NRK: variants seen among roughly 807,000 people sequenced by gnomAD.
The protein encoded by NRK is nik-related protein kinase.
A neutral mutation model predicts 125.2 loss-of-function variants in NRK; 67 were observed. The ratio of observed to expected loss-of-function variants is 0.54; its 90% CI spans 0.44 to 0.66. NRK has a LOEUF of 0.66. Among genes scored for constraint, NRK ranks in the 30% least tolerant of loss-of-function variants. The pLI, the probability that NRK is intolerant of heterozygous loss-of-function variation, is 0.00. For synonymous variants in NRK, 458 were observed against 429.0 expected (o/e 1.07, Z -0.84); for missense variants, 1,224 against 1,192.9 (o/e 1.03, Z -0.38).
At chrX:105,902,701 C>T (rs2040174588) in intron 9 of NRK, among the ~76,000 whole-genome samples, 1 of 111,891 alleles carries the variant, frequency 8.9e-6, no homozygotes, top group African/African-American at 3.3e-5. Flanking sequence ...GCTCTGACTC[C>T]TGTCAGATCA....
intron 8 of NRK, among the ~76,000 whole-genome samples, chrX:105,900,183 CACACACACACAT>C (rs1479994603): frequency 9.5e-5 from 10 of 105,409 alleles, no homozygotes; most frequent in African/African-American, 3.7e-4. Flanking sequence ...CACACACACA[CACACACACACAT>C]ATCAGTCCTA....
At chrX:105,914,960 C>T (rs2040346940) in intron 14 of NRK, among the ~76,000 whole-genome samples, 1 of 105,913 alleles carries the variant, frequency 9.4e-6, no homozygotes, top group Admixed American at 1.1e-4. Context: ...CTTAGTGAGG[C>T]AAGGCAACAT....
At chrX:105,908,433 T>C (rs1439624196) in intron 12 of NRK, 130 bp downstream of exon 12, 1 of 449,046 alleles carries the variant, frequency 2.2e-6, no homozygotes, top group Non-Finnish European at 3.7e-6. Flanking sequence ...TCTCTGTTTT[T>C]AAGAGATATT....
intron 24 of NRK, among the ~76,000 whole-genome samples, chrX:105,944,353 G>A (rs1180301312): frequency 9.0e-6 from 1 of 111,050 alleles, no homozygotes; most frequent in Admixed American, 9.6e-5. Flanking sequence ...ATCACACCTG[G>A]TTAATTTTTT....
chrX:105,953,085 T>G lies in NRK; in HGVS notation c.4565T>G (p.Val1522Gly). 1 of 1,196,546 alleles carries G rather than the reference T, an allele frequency of 8.4e-7. No individual in the cohort carries two copies. The change falls in exon 28 of 29, where the codon GTG becomes GGG. Residue 1522 changes from valine to glycine, a missense_variant. Physicochemically the swap from Val to Gly is moderately radical, Grantham distance 109. Transcript: ENST00000243300. ...TTGWGQKAIE[V>G]RSLQSRVLES... The stretch of plus-strand genomic sequence containing the variant: ...GGATGGGGCCAAAAGGCCATTGAAG[T>G]GCGCTCTTTGCAATCCAGGGTTCTG...
At chrX:105,866,959 A>G (rs1216516689) in intron 2 of NRK, among the ~76,000 whole-genome samples, 1 of 110,870 alleles carries the variant, frequency 9.0e-6, no homozygotes, top group Admixed American at 9.6e-5. Flanking sequence ...TTCCTAACAC[A>G]GTGTGTTGCA....
intron 2 of NRK, among the ~76,000 whole-genome samples, chrX:105,832,457 G>GT (rs774629470): frequency 8.1e-5 from 9 of 111,117 alleles, no homozygotes; most frequent in African/African-American, 2.0e-4. Context: ...TATAATTGCA[G>GT]TGTTCTTTTT....
rs139947077 is a variant in NRK at position 105,923,591 on chromosome X, T to A, written c.2975+109T>A. 0.017 allele frequency: 8,070 copies of A among 483,487 alleles called. 524 individuals carry two copies. In the African/African-American group the frequency reaches 0.18, roughly 11 times the overall value. 39.8% of individuals were successfully genotyped at this position (483,487 alleles called of 1,213,427 possible). A position where few individuals can be genotyped will look rare whatever the true frequency, so the allele number is the denominator to read the frequency against. ...TACCAAGAGAGTGACCTAATTTCACTTGCATTTTAGTAAATAGTTTGATTG... is the reference window on the plus strand; with the variant it reads ...TACCAAGAGAGTGACCTAATTTCACATGCATTTTAGTAAATAGTTTGATTG... On this transcript the variant is annotated intron_variant, in intron 18 of 28. Coordinates refer to ENST00000243300, the MANE Select transcript of NRK (RefSeq NM_198465.4).
At chrX:105,897,007 A>G (rs1024899246) in intron 7 of NRK, among the ~76,000 whole-genome samples, 1 of 112,482 alleles carries the variant, frequency 8.9e-6, no homozygotes, top group African/African-American at 3.2e-5. Flanking sequence ...GTCAACGCAA[A>G]CATTTACAGC....
chrX:105,829,477 C>A (rs886589055), intron 1 of NRK, among the ~76,000 whole-genome samples: 2 of 112,067 alleles, frequency 1.8e-5, no homozygotes, highest in Admixed American at 1.9e-4. Flanking sequence ...AATGTTCTTA[C>A]CACTTTGTGT....
chrX:105,898,654 C>G lies in NRK; in HGVS notation c.651C>G (p.Tyr217Ter). ...GGAATAGTTTCATTGGGACACCATA[C>G]TGGATGGCACCTGAGGTGATTGACT... ...GRRNSFIGTP[Y>*]WMAPEVIDCD... is the part of the protein sequence containing the mutation. The change falls in exon 8 of 29, where the codon TAC becomes TAG. Residue 217 changes from tyrosine to a stop codon, truncating the protein, a stop_gained. Coordinates refer to ENST00000243300, the MANE Select transcript of NRK (RefSeq NM_198465.4). LOFTEE classifies it high-confidence loss of function. The G allele has an allele frequency of 8.4e-7, 1 of 1,197,153 alleles. No individual in the cohort carries two copies. The highest frequency in any genetic ancestry group is 1.1e-6 in the Non-Finnish European group (1 of 885,248).
intron 2 of NRK, among the ~76,000 whole-genome samples, chrX:105,855,231 T>A (rs2039518208): frequency 9.0e-6 from 1 of 111,675 alleles, no homozygotes; most frequent in African/African-American, 3.2e-5. Flanking sequence ...TTTTATTCAA[T>A]AGAGGAAACA....
At chrX:105,895,980 A>G (rs925818719) in intron 7 of NRK, among the ~76,000 whole-genome samples, 1 of 111,763 alleles carries the variant, frequency 8.9e-6, no homozygotes, top group Non-Finnish European at 1.9e-5. Flanking sequence ...GCTTCTTTGG[A>G]TTTTTTCAGA....
At chrX:105,917,954 A>G (rs1310731612) in intron 16 of NRK, among the ~76,000 whole-genome samples, 3 of 110,899 alleles carry the variant, frequency 2.7e-5, no homozygotes, top group Non-Finnish European at 5.7e-5. Context: ...TTAGGTTTCT[A>G]TACCACGTAA....
At position 105,893,822 on chromosome X, in the gene NRK, T is replaced by C. The variant is rs753154320; in HGVS notation, c.379-10T>C. ...CACTAATTTTTTATACTTTGCTGGCTTTCCTGCAGATGGTGATGGAGTTAT... is the reference window on the plus strand; with the variant it reads ...CACTAATTTTTTATACTTTGCTGGCCTTCCTGCAGATGGTGATGGAGTTAT... On this transcript the variant is annotated splice_polypyrimidine_tract_variant and intron_variant, in intron 5 of 28. Coordinates refer to ENST00000243300, the MANE Select transcript of NRK (RefSeq NM_198465.4). 4 of 1,120,892 alleles carry C rather than the reference T, an allele frequency of 3.6e-6. No individual in the cohort carries two copies. The Admixed American group carries it at 8.9e-5, about 25-fold the overall frequency. 92.4% of individuals were successfully genotyped at this position (1,120,892 alleles called of 1,213,427 possible). A position where few individuals can be genotyped will look rare whatever the true frequency, so the allele number is the denominator to read the frequency against.
At chrX:105,856,315 G>A (rs930006598) in intron 2 of NRK, among the ~76,000 whole-genome samples, 2 of 111,651 alleles carry the variant, frequency 1.8e-5, no homozygotes, top group African/African-American at 6.5e-5. Flanking sequence ...GTAATAAAGT[G>A]ACACTAATGC....
intron 2 of NRK, among the ~76,000 whole-genome samples, chrX:105,851,017 A>G (rs779323304): frequency 1.8e-5 from 2 of 112,288 alleles, no homozygotes; most frequent in Non-Finnish European, 3.7e-5. Context: ...GCTGATTAAG[A>G]CATACCCAAG....
chrX:105,953,217 T>C (rs2040925301), intron 28 of NRK, 44 bp downstream of exon 28: 3 of 983,371 alleles, frequency 3.1e-6, no homozygotes, highest in Non-Finnish European at 2.7e-6. Context: ...AACGCAACCA[T>C]TGAAAATGAA....
Position 105,921,733 on chromosome X carries a change from A to G in NRK, c.2513-231A>G, listed in dbSNP as rs1335605980. 3.6e-5 allele frequency among the ~76,000 whole-genome samples: 4 copies of G among 109,686 alleles called. No individual in the cohort carries two copies. The East Asian group carries it at 8.6e-4, about 24-fold the overall frequency. Reference sequence around the variant, plus strand: ...ACTTAATATTGAAAACAGAGCAGCCATGTAAGTCTACAGATGGAAGAAAAC... The same window carrying G: ...ACTTAATATTGAAAACAGAGCAGCCGTGTAAGTCTACAGATGGAAGAAAAC... On this transcript the variant is annotated intron_variant, in intron 16 of 28. Coordinates refer to ENST00000243300, the MANE Select transcript of NRK (RefSeq NM_198465.4).
Sources: gnomAD v4.1 joint callset for allele counts (sites outside exome capture counted in the v4.1 genomes callset) on GRCh38, gnomAD v4.1.1 for gene constraint, MANE v1.5 for transcripts, NCBI Gene and HGNC (gene_info 2026-07-23, HGNC 2026-07-21) for gene names.